Variants in KLHL12 observed in about 807,000 individuals in gnomAD.
KLHL12 encodes kelch-like protein 12.
Under a neutral mutation model 60.8 loss-of-function variants are expected in KLHL12, and 17 were observed. The observed-to-expected ratio is 0.28, with a 90% CI of 0.19 to 0.42. KLHL12 has a LOEUF of 0.42. KLHL12 is among the 10% of genes least tolerant of loss of function. The pLI is 1.00. For synonymous variants in KLHL12, 220 were observed against 250.9 expected, an observed-to-expected ratio of 0.88 and a Z score of 1.16; for missense variants, 468 against 722.3, an observed-to-expected ratio of 0.65 and a Z score of 4.04.
chr1:202,917,612 C>T (rs1395523389), intron 4 of KLHL12, among the ~76,000 whole-genome samples: 1 of 152,206 alleles, frequency 6.6e-6, no homozygotes, highest in Non-Finnish European at 1.5e-5. Context: ...TCCTCACTTC[C>T]AAACTTTTGT....
chr1:202,895,580 C>T lies in KLHL12; in HGVS notation c.1077G>A (p.Trp359Ter), dbSNP rs1285212923. ...LDYTADEDGVWYSVAPMNVRR... is the reference protein window; with the variant it reads ...LDYTADEDGV The stretch of plus-strand genomic sequence containing the variant: ...GGACATTCATAGGGGCCACAGAATA[C>T]CAGACCCCATCCTCATCTGCTGTGT... The change falls in exon 8 of 12, where the codon TGG becomes TGA. Residue 359 changes from tryptophan (W) to a stop codon, truncating the protein, a stop_gained. Transcript: ENST00000367261. LOFTEE classifies it high-confidence loss of function. The surrounding 1 kb of genome is among the most constrained non-coding windows in gnomAD (Gnocchi z 4.2). 1.2e-6 allele frequency: 2 copies of T among 1,614,024 alleles called. No individual in the cohort carries two copies. Among genetic ancestry groups the T allele is most frequent in the Non-Finnish European group, 8.5e-7 (1 of 1,180,014 alleles).
At chr1:202,898,847 A>G (rs868164987) in intron 6 of KLHL12, among the ~76,000 whole-genome samples, 1 of 151,782 alleles carries the variant, frequency 6.6e-6, no homozygotes, top group Non-Finnish European at 1.5e-5. Flanking sequence ...TCAAAAACAA[A>G]CAACAAAAAA....
At position 202,893,257 on chromosome 1, in the gene KLHL12, C is replaced by T; in HGVS notation, c.1562G>A (p.Arg521Lys). 10 of 1,606,364 alleles carry T rather than the reference C, an allele frequency of 6.2e-6. No individual in the cohort carries two copies. Among genetic ancestry groups the T allele is most frequent in the Non-Finnish European group, 8.5e-6 (10 of 1,177,276 alleles). ...CYVGATVLRG[R>K]LYAIAGYDGN... ...TCCTCACCCTGCAATTGCATAGAGT[C>T]TCCCCCGAAGCACTGTGGCCCCTAC... Residue 521 changes from arginine to lysine, a missense_variant, in exon 11 of 12, where the codon AGA becomes AAA. Around this residue, in one of 4 missense-constraint regions of KLHL12, gnomAD observed 68 missense variants for 119.8 expected, o/e 0.57. Coordinates refer to ENST00000367261, the MANE Select transcript of KLHL12 (RefSeq NM_021633.4). This position sits in a 1 kb window ranked among gnomAD's most constrained non-coding sequence, Gnocchi z 4.1.
chr1:202,911,433 C>G (rs1041355457), intron 4 of KLHL12, among the ~76,000 whole-genome samples: 1 of 133,012 alleles, frequency 7.5e-6, no homozygotes, highest in Non-Finnish European at 1.6e-5. Flanking sequence ...TATATATATA[C>G]ACACACACAT....
rs67432749 is a variant in KLHL12, at chr1:202,903,159, CAAAAAAAAA to C, written c.832+5842_832+5850del. 3.3e-3 allele frequency among the ~76,000 whole-genome samples: 173 copies of C among 52,030 alleles called. 1 individual carries two copies. Among genetic ancestry groups the C allele is most frequent in the African/African-American group, 0.012 (167 of 13,988 alleles). The allele number at this position is 52,030 out of a possible 152,430, so 34.1% of individuals were successfully genotyped here. On this transcript the variant is annotated intron_variant, in intron 6 of 11. Coordinates refer to ENST00000367261, the MANE Select transcript of KLHL12 (RefSeq NM_021633.4). ...TAGGAGCCAGAGTGAGACCTTGTCT[CAAAAAAAAA>C]AAAAAAAAAAAAAAAAATTACTTTG...
At position 202,902,784 on chromosome 1, in the gene KLHL12, G is replaced by A. The variant is rs117734978; in HGVS notation, c.833-5824C>T. On this transcript the variant is annotated intron_variant, in intron 6 of 11. Transcript: ENST00000367261. ...GCAGGCAGATCACATGAACCCAGGA[G>A]ATCAAGACCAGCCTGAGCAGCATGG... 1.2e-3 allele frequency among the ~76,000 whole-genome samples: 187 copies of A among 152,142 alleles called. No individual in the cohort carries two copies. The East Asian group carries it at 0.027, about 22-fold the overall frequency.
Position 202,909,529 on chromosome 1 carries a change from A to G in KLHL12, c.718-405T>C, listed in dbSNP as rs545595520. 6.6e-6 allele frequency among the ~76,000 whole-genome samples: 1 copy of G among 152,266 alleles called. No individual in the cohort carries two copies. Among genetic ancestry groups the G allele is most frequent in the South Asian group, 2.1e-4 (1 of 4,812 alleles). ...TATTTTCTGGGTGACAGGAAGAATC[A>G]TATTTTGTCTGAAATATCTCCCCCA... is the stretch of plus-strand genomic sequence containing the variant. On this transcript the variant is annotated intron_variant, in intron 5 of 11. Coordinates refer to ENST00000367261, the MANE Select transcript of KLHL12 (RefSeq NM_021633.4). This position sits in a 1 kb window ranked among gnomAD's most constrained non-coding sequence, Gnocchi z 4.1.
chr1:202,898,472 C>G (rs1659908009), intron 6 of KLHL12, among the ~76,000 whole-genome samples: 1 of 152,100 alleles, frequency 6.6e-6, no homozygotes, highest in Non-Finnish European at 1.5e-5. Context: ...ATTTCAAAAG[C>G]CAATATATTA....
intron 4 of KLHL12, among the ~76,000 whole-genome samples, chr1:202,917,944 T>C (rs1021025292): frequency 6.6e-6 from 1 of 152,240 alleles, no homozygotes; most frequent in Non-Finnish European, 1.5e-5. Context: ...CTATACTCTG[T>C]TGAATAGTGA....
chr1:202,917,585 G>C (rs1660561170), intron 4 of KLHL12, among the ~76,000 whole-genome samples: 1 of 152,084 alleles, frequency 6.6e-6, no homozygotes, highest in African/African-American at 2.4e-5. Flanking sequence ...TTATGATTTG[G>C]CTCCTGCTTC....
chr1:202,912,364 A>G (rs1184574839), intron 4 of KLHL12: 1 of 794,556 alleles, frequency 1.3e-6, no homozygotes, highest in East Asian at 2.4e-5. Context: ...CTGTCAAAGT[A>G]AGAGATGGCT....
chr1:202,920,399 C>T (rs1383046951), intron 2 of KLHL12, among the ~76,000 whole-genome samples: 7 of 25,090 alleles, frequency 2.8e-4, no homozygotes, highest in Admixed American at 1.8e-3. Context: ...TTTTTTGAGA[C>T]GGAATCTTGC....
chr1:202,921,140 AGCT>A (rs997603453), intron 2 of KLHL12, among the ~76,000 whole-genome samples: 7 of 149,986 alleles, frequency 4.7e-5, no homozygotes, highest in African/African-American at 1.5e-4. Flanking sequence ...CCTCCCAAGT[AGCT>A]GGGATTACAG....
intron 9 of KLHL12, 90 bp downstream of exon 9, chr1:202,894,501 C>A (rs1659769868): frequency 1.5e-6 from 2 of 1,335,870 alleles, no homozygotes. Context: ...GAAGGGAAGT[C>A]TATGAACGTC....
At chr1:202,921,177 ATTT>A (rs568392113) in intron 2 of KLHL12, among the ~76,000 whole-genome samples, 4 of 135,134 alleles carry the variant, frequency 3.0e-5, no homozygotes, top group Admixed American at 1.5e-4. Context: ...CAACCAGCTA[ATTT>A]TTTTTTTTTT....
At chr1:202,902,006 A>G (rs138413674) in intron 6 of KLHL12, among the ~76,000 whole-genome samples, 1,666 of 152,338 alleles carry the variant, frequency 0.011, 31 homozygotes, top group African/African-American at 0.038. Context: ...TATAATATAC[A>G]TTTTTACTGC....
At position 202,893,101 on chromosome 1, in the gene KLHL12, T is replaced by A. The variant is rs1192418140; in HGVS notation, c.1580+138A>T. ...CTCTGTCTCTAAAAAATAAAAAAAATCTAATAAAAAAAATCAAGTTGCCAC... is the reference window on the plus strand; with the variant it reads ...CTCTGTCTCTAAAAAATAAAAAAAAACTAATAAAAAAAATCAAGTTGCCAC... On this transcript the variant is annotated intron_variant, in intron 11 of 11. Transcript: ENST00000367261. The surrounding 1 kb of genome is among the most constrained non-coding windows in gnomAD (Gnocchi z 4.1). The A allele has an allele frequency of 3.2e-6, 2 of 623,548 alleles. No individual in the cohort carries two copies. The highest frequency in any genetic ancestry group is 3.8e-5 in the African/African-American group (2 of 52,396). 38.6% of individuals were successfully genotyped at this position (623,548 alleles called of 1,614,324 possible).
At chr1:202,926,917 T>C (rs1558003823) in intron 1 of KLHL12, among the ~76,000 whole-genome samples, 172 bp downstream of exon 1, 1 of 150,932 alleles carries the variant, frequency 6.6e-6, no homozygotes, top group Non-Finnish European at 1.5e-5. Flanking sequence ...AGGGGGAGAG[T>C]TGAGAGGGTG....
intron 6 of KLHL12, among the ~76,000 whole-genome samples, chr1:202,907,765 A>G (rs1296479820): frequency 6.6e-6 from 1 of 151,742 alleles, no homozygotes; most frequent in Non-Finnish European, 1.5e-5. Context: ...AAAATTAGCC[A>G]GGCATGGTGG....
Sources: gnomAD v4.1 joint callset for allele counts (sites outside exome capture counted in the v4.1 genomes callset) on GRCh38, gnomAD v4.1.1 for gene constraint, gnomAD v4.1.1 regional missense constraint, Gnocchi (gnomAD v3.1) non-coding constraint, MANE v1.5 for transcripts, NCBI Gene and HGNC (gene_info 2026-07-23, HGNC 2026-07-21) for gene names.